The following ADAM20 variants were observed in gnomAD, a reference collection of about 807,000 sequenced individuals.
ADAM20 encodes ADAM metallopeptidase domain 20, also known as disintegrin and metalloproteinase domain-containing protein 20.
For missense variants in ADAM20, 871 were observed against 883.2 expected, an observed-to-expected ratio of 0.99 and a Z score of 0.18; for synonymous variants, 305 against 310.2, an observed-to-expected ratio of 0.98 and a Z score of 0.18.
rs772921418 is a variant in ADAM20 at position 70,523,370 on chromosome 14, G to A, written c.1388C>T (p.Thr463Ile). 11 of 1,613,894 alleles carry A rather than the reference G, an allele frequency of 6.8e-6. No homozygotes were observed. The African/African-American group carries it at 1.5e-4, about 22-fold the overall frequency. ...TTCACCAACTTGTTGTCTACATAAA[G>A]TTCCTGATGGCAGAAATTTGCAGTC... ...CKDCKFLPSG[T>I]LCRQQVGECD... Residue 463 changes from threonine to isoleucine, a missense_variant, in exon 2 of 2, where the codon ACT becomes ATT. Thr to Ile is a moderately conservative substitution (Grantham distance 89). Coordinates refer to ENST00000256389, the MANE Select transcript of ADAM20 (RefSeq NM_003814.5).
chr14:70,526,749 A>G (rs989725114), intron 1 of ADAM20, among the ~76,000 whole-genome samples: 4 of 152,138 alleles, frequency 2.6e-5, no homozygotes, highest in African/African-American at 4.8e-5. Context: ...CTTTCCTCTA[A>G]TATTACTGGG....
chr14:70,540,314 T>A, the ADAM20 span, among the ~76,000 whole-genome samples: 1 of 152,234 alleles, frequency 6.6e-6, no homozygotes, highest in Non-Finnish European at 1.5e-5. Flanking sequence ...GTGTGCAATG[T>A]CTATTTTTAA....
chr14:70,567,744 T>G, the ADAM20 span, among the ~76,000 whole-genome samples: 1 of 151,902 alleles, frequency 6.6e-6, no homozygotes, highest in East Asian at 1.9e-4. Context: ...TGGGGTAAGA[T>G]ACTCTGTCCA....
chr14:70,523,976 G>C lies in ADAM20; in HGVS notation c.782C>G (p.Thr261Ser). ...ACTGGTAGGAAGTGGATTTGATGCA[G>C]TCCATATATCAATTCCAGTCAAAAT... ...DVILTGIDIW[T>S]ASNPLPTSGD... Residue 261 changes from threonine to serine, a missense_variant, in exon 2 of 2, where the codon ACT (threonine) becomes AGT (serine). By Grantham distance (58) the Thr-to-Ser change is moderately conservative. Transcript: ENST00000256389. The C allele has an allele frequency of 6.2e-7, 1 of 1,613,958 alleles. No homozygotes were observed. Among genetic ancestry groups the C allele is most frequent in the Non-Finnish European group, 8.5e-7 (1 of 1,179,924 alleles).
At chr14:70,564,949 G>A in the ADAM20 span, among the ~76,000 whole-genome samples, 1 of 151,304 alleles carries the variant, frequency 6.6e-6, no homozygotes, top group African/African-American at 2.4e-5. Context: ...TCAGAAGACT[G>A]AGGCAGGAGG....
the ADAM20 span, among the ~76,000 whole-genome samples, chr14:70,564,956 G>A: frequency 6.6e-6 from 1 of 151,152 alleles, no homozygotes; most frequent in African/African-American, 2.4e-5. Flanking sequence ...ACTGAGGCAG[G>A]AGGATTGCTT....
At chr14:70,546,351 A>G in the ADAM20 span, among the ~76,000 whole-genome samples, 10 of 152,198 alleles carry the variant, frequency 6.6e-5, no homozygotes, top group African/African-American at 2.4e-4. Context: ...ACATGTGCCC[A>G]AGGTGGTCGA....
At chr14:70,576,533 G>A in the ADAM20 span, among the ~76,000 whole-genome samples, 2 of 152,034 alleles carry the variant, frequency 1.3e-5, no homozygotes, top group Admixed American at 1.3e-4. Context: ...CCACACTGGA[G>A]GAAGAAATAA....
the ADAM20 span, among the ~76,000 whole-genome samples, chr14:70,543,299 T>C: frequency 9.2e-5 from 14 of 152,366 alleles, no homozygotes; most frequent in Middle Eastern, 3.4e-3. Flanking sequence ...ACTCTACTAT[T>C]TGCAGTAGGA....
chr14:70,555,440 CTGTT>C, the ADAM20 span, among the ~76,000 whole-genome samples: 1 of 152,132 alleles, frequency 6.6e-6, no homozygotes, highest in East Asian at 1.9e-4. Context: ...AAAAATCACA[CTGTT>C]TAGAGAATTT....
At chr14:70,540,406 T>G in the ADAM20 span, among the ~76,000 whole-genome samples, 3 of 152,220 alleles carry the variant, frequency 2.0e-5, no homozygotes, top group African/African-American at 7.2e-5. Context: ...ATGGAAACTT[T>G]CAGTTCACAT....
the ADAM20 span, among the ~76,000 whole-genome samples, chr14:70,575,104 C>A: frequency 6.6e-6 from 1 of 151,560 alleles, no homozygotes; most frequent in Non-Finnish European, 1.5e-5. Context: ...TAAATAAGTT[C>A]TAGAGATCTG....
At chr14:70,567,575 A>AT in the ADAM20 span, among the ~76,000 whole-genome samples, 1 of 152,160 alleles carries the variant, frequency 6.6e-6, no homozygotes, top group Admixed American at 6.5e-5. Context: ...CGGAGAAAGC[A>AT]TTTTTTAAGC....
chr14:70,524,950 G>T lies in ADAM20; in HGVS notation c.-176-17C>A. The T allele has an allele frequency of 6.5e-7, 1 of 1,537,552 alleles. No homozygotes were observed. The highest frequency in any genetic ancestry group is 2.3e-5 in the East Asian group (1 of 44,146). On this transcript the variant is annotated splice_polypyrimidine_tract_variant and intron_variant, in intron 1 of 1. Coordinates refer to ENST00000256389, the MANE Select transcript of ADAM20 (RefSeq NM_003814.5). Reference sequence around the variant, plus strand: ...AAATAAAAACTGAAAGAGCCAGGATGGGGTGGGTGGGATAGAAAGGGAGAA... The same window carrying T: ...AAATAAAAACTGAAAGAGCCAGGATTGGGTGGGTGGGATAGAAAGGGAGAA...
rs769430491 is a variant in ADAM20, at chr14:70,524,366, CCCCCAGA to C, written c.385_391del (p.Ser129AlafsTer8). ...ATTTATCTGTAGCATTCCAAGAAAG[CCCCCAGA>C]ACAGGTACTAAGGGCAACCAAGGAC... On this transcript the variant is annotated frameshift_variant, in exon 2 of 2. Coordinates refer to ENST00000256389, the MANE Select transcript of ADAM20 (RefSeq NM_003814.5). LOFTEE classifies it low-confidence loss of function (END_TRUNC). The C allele has an allele frequency of 3.7e-6, 6 of 1,613,938 alleles. No homozygotes were observed. In the South Asian group the frequency reaches 5.5e-5, roughly 15 times the overall value.
At chr14:70,545,358 T>C in the ADAM20 span, among the ~76,000 whole-genome samples, 1 of 152,166 alleles carries the variant, frequency 6.6e-6, no homozygotes, top group Non-Finnish European at 1.5e-5. Context: ...GTGCAGAGAT[T>C]GTGAGGTTTT....
chr14:70,529,452 G>A (rs1883661232), intron 1 of ADAM20, among the ~76,000 whole-genome samples: 1 of 152,142 alleles, frequency 6.6e-6, no homozygotes, highest in Non-Finnish European at 1.5e-5. Flanking sequence ...GTTGTTAGGT[G>A]ATTTCGTCAT....
rs201701584 is a variant in ADAM20, at chr14:70,522,696, T to A, written c.2062A>T (p.Met688Leu). The A allele has an allele frequency of 5.6e-6, 9 of 1,614,012 alleles. No individual in the cohort carries two copies. The East Asian group carries it at 2.0e-4, about 36-fold the overall frequency. Residue 688 changes from methionine (M) to leucine (L), a missense_variant, in exon 2 of 2, where the codon ATG becomes TTG. Met to Leu is a conservative substitution (Grantham distance 15, BLOSUM62 2). Transcript: ENST00000256389. ...AGTGACAGGTAACGCAACTTTCCCATCACATTTAATCCTTCCATGTTGTTC... is the reference window on the plus strand; with the variant it reads ...AGTGACAGGTAACGCAACTTTCCCAACACATTTAATCCTTCCATGTTGTTC... ...PKNNMEGLNV[M>L]GKLRYLSLLC...
At chr14:70,568,399 T>C in the ADAM20 span, among the ~76,000 whole-genome samples, 2 of 151,994 alleles carry the variant, frequency 1.3e-5, no homozygotes, top group African/African-American at 4.8e-5. Context: ...ATGCAAATGA[T>C]AGCAAACTCA....
Sources: allele counts gnomAD v4.1 joint callset (sites outside exome capture counted in the v4.1 genomes callset), GRCh38; gene constraint gnomAD v4.1.1; transcripts MANE v1.5; gene names NCBI Gene and HGNC (gene_info 2026-07-23, HGNC 2026-07-21).